Variants in KIAA1671 observed in about 807,000 individuals in gnomAD.
The protein encoded by KIAA1671 is uncharacterized protein KIAA1671.
Under a neutral mutation model 131.2 loss-of-function variants are expected in KIAA1671, and 52 were observed. The ratio of observed to expected loss-of-function variants is 0.40; its 90% confidence interval spans 0.32 to 0.50. KIAA1671 has a LOEUF of 0.50. KIAA1671 is among the 20% of genes least tolerant of loss of function. The pLI, the probability that KIAA1671 is intolerant of heterozygous loss-of-function variation, is 0.73. For missense variants in KIAA1671, 2,360 were observed against 2,364.2 expected, an observed-to-expected ratio of 1.00 and a Z score of 0.04; for synonymous variants, 1,003 against 961.6, an observed-to-expected ratio of 1.04 and a Z score of -0.80.
At chr22:24,995,556 C>T (rs899730507) in intron 1 of KIAA1671, among the ~76,000 whole-genome samples, 3 of 151,754 alleles carry the variant, frequency 2.0e-5, no homozygotes, top group African/African-American at 7.3e-5. Context: ...GACTGGGTTT[C>T]GCCACGTTGC....
intron 6 of KIAA1671, among the ~76,000 whole-genome samples, chr22:25,084,558 G>T (rs1177859062): frequency 6.6e-6 from 1 of 151,154 alleles, no homozygotes; most frequent in Non-Finnish European, 1.5e-5. Flanking sequence ...GCAGGGACCT[G>T]TTGAAGAAAT....
chr22:24,959,866 G>A (rs892025685), intron 1 of KIAA1671, among the ~76,000 whole-genome samples: 1 of 151,804 alleles, frequency 6.6e-6, no homozygotes, highest in African/African-American at 2.4e-5. Context: ...GGCCGGGCGC[G>A]GTGGCTCACG....
intron 6 of KIAA1671, among the ~76,000 whole-genome samples, chr22:25,120,318 G>C (rs781599327): frequency 6.6e-6 from 1 of 152,188 alleles, no homozygotes; most frequent in African/African-American, 2.4e-5. Flanking sequence ...CTACAGTGTC[G>C]CCAGGCAGGC....
intron 4 of KIAA1671, among the ~76,000 whole-genome samples, chr22:25,033,755 T>C (rs1926432143): frequency 6.6e-6 from 1 of 151,622 alleles, no homozygotes; most frequent in African/African-American, 2.4e-5. Flanking sequence ...ATTTCTTTTG[T>C]ATTTTTAGTA....
At chr22:24,979,109 C>A (rs1602040586) in intron 1 of KIAA1671, among the ~76,000 whole-genome samples, 1 of 151,496 alleles carries the variant, frequency 6.6e-6, no homozygotes, top group Admixed American at 6.6e-5. Flanking sequence ...GATTCTCCTG[C>A]CCCAGCCTCC....
At chr22:24,982,819 C>T (rs1036297293) in intron 1 of KIAA1671, among the ~76,000 whole-genome samples, 4 of 152,128 alleles carry the variant, frequency 2.6e-5, no homozygotes, top group South Asian at 2.1e-4. Context: ...CTTCTCCTGC[C>T]GGACCCAAGT....
chr22:25,171,426 T>C (rs1439994610), intron 7 of KIAA1671, among the ~76,000 whole-genome samples: 1 of 151,260 alleles, frequency 6.6e-6, no homozygotes, highest in Non-Finnish European at 1.5e-5. Context: ...AAAAAAAGAT[T>C]ATGGGTCAGC....
chr22:25,010,847 A>C (rs1484876888), intron 1 of KIAA1671: 1 of 152,212 alleles, frequency 6.6e-6, no homozygotes, highest in Non-Finnish European at 1.5e-5. Flanking sequence ...GCTTAACTAT[A>C]TATCAAGTTA....
rs1931620987 is a variant in KIAA1671 at position 25,115,755 on chromosome 22, A to C, written c.4531-55065A>C. On this transcript the variant is annotated intron_variant, in intron 6 of 12. Transcript: ENST00000358431. The stretch of plus-strand genomic sequence containing the variant: ...TGCATGTCTTCATTAATTCACTCAT[A>C]TTTTCATTCAACCAGTATTTATTTT... Among the ~76,000 whole-genome samples, 7 of 151,918 alleles carry C rather than the reference A, an allele frequency of 4.6e-5. No homozygotes were observed. The South Asian group carries it at 1.5e-3, about 32-fold the overall frequency.
chr22:25,017,527 A>C (rs1032505951), intron 1 of KIAA1671, among the ~76,000 whole-genome samples: 11 of 152,278 alleles, frequency 7.2e-5, no homozygotes, highest in African/African-American at 2.4e-4. Flanking sequence ...CTAGTGTCTG[A>C]GCCTTGCTTC....
intron 1 of KIAA1671, among the ~76,000 whole-genome samples, chr22:25,019,670 C>G (rs2123888897): frequency 7.1e-6 from 1 of 140,158 alleles, no homozygotes; most frequent in East Asian, 2.0e-4. Flanking sequence ...TTGCTATTGT[C>G]ATGACCTTGA....
rs1926049947 is a variant in KIAA1671, at chr22:25,028,085, C to T, written c.86C>T (p.Thr29Met). Residue 29 changes from threonine to methionine, a missense_variant, in exon 3 of 13, where the codon ACG (threonine) becomes ATG (methionine). Physicochemically the swap from Thr to Met is moderately conservative, Grantham distance 81 (BLOSUM62 -1). Coordinates refer to ENST00000358431, the MANE Select transcript of KIAA1671 (RefSeq NM_001145206.2). Reference protein sequence around the residue: ...LGEMGKEETLTRTYFLQAGEA... With the variant: ...LGEMGKEETLMRTYFLQAGEA... Reference sequence around the variant, plus strand: ...GAGATGGGCAAGGAGGAGACCCTGACGAGGACCTACTTCCTCCAGGCCGGC... The same window carrying T: ...GAGATGGGCAAGGAGGAGACCCTGATGAGGACCTACTTCCTCCAGGCCGGC... The T allele has an allele frequency of 3.9e-6, 6 of 1,550,942 alleles. No homozygotes were observed. The highest frequency in any genetic ancestry group is 1.2e-5 in the South Asian group (1 of 83,956).
intron 6 of KIAA1671, among the ~76,000 whole-genome samples, chr22:25,151,432 T>C (rs944338629): frequency 7.6e-6 from 1 of 131,424 alleles, no homozygotes; most frequent in Non-Finnish European, 1.6e-5. Context: ...ATGAACTCTT[T>C]TTTTTTTTTT....
chr22:25,126,532 T>C (rs1932193019), intron 6 of KIAA1671, among the ~76,000 whole-genome samples: 1 of 152,232 alleles, frequency 6.6e-6, no homozygotes, highest in Non-Finnish European at 1.5e-5. Flanking sequence ...AAATGAGCCC[T>C]AGGTGCCCAT....
intron 6 of KIAA1671, among the ~76,000 whole-genome samples, chr22:25,144,735 C>G (rs1335041924): frequency 6.6e-6 from 1 of 152,134 alleles, no homozygotes; most frequent in Non-Finnish European, 1.5e-5. Flanking sequence ...AAGGGACTTG[C>G]CCAGGGCCCC....
At chr22:25,121,196 C>T (rs1931925505) in intron 6 of KIAA1671, among the ~76,000 whole-genome samples, 1 of 152,152 alleles carries the variant, frequency 6.6e-6, no homozygotes, top group Admixed American at 6.5e-5. Flanking sequence ...GGCGCGGTGG[C>T]TCACGCCTGT....
At chr22:25,184,464 C>T (rs1164940968) in intron 10 of KIAA1671, among the ~76,000 whole-genome samples, 1 of 152,196 alleles carries the variant, frequency 6.6e-6, no homozygotes, top group Non-Finnish European at 1.5e-5. Context: ...TGCCACCACT[C>T]ACACCTCAGG....
rs542785973 is a variant in KIAA1671, at chr22:24,963,658, A to C, written c.-208+10886A>C. ...TGCCTTTAGAAGTTTTGCAGGAGAT[A>C]GGCCGGGTGCGGTGGCTCACACCTG... On this transcript the variant is annotated intron_variant, in intron 1 of 12. Coordinates refer to ENST00000358431, the MANE Select transcript of KIAA1671 (RefSeq NM_001145206.2). 1.1e-4 allele frequency among the ~76,000 whole-genome samples: 16 copies of C among 152,142 alleles called. No individual in the cohort carries two copies. In the South Asian group the frequency reaches 3.3e-3, roughly 32 times the overall value.
chr22:24,990,201 CT>C (rs1294016043), intron 1 of KIAA1671, among the ~76,000 whole-genome samples: 1 of 152,018 alleles, frequency 6.6e-6, no homozygotes, highest in Non-Finnish European at 1.5e-5. Context: ...AGTGATTCTC[CT>C]GCCTCAGCCT....
Sources: gnomAD v4.1 joint callset for allele counts (sites outside exome capture counted in the v4.1 genomes callset) on GRCh38, gnomAD v4.1.1 for gene constraint, MANE v1.5 for transcripts, NCBI Gene and HGNC (gene_info 2026-07-23, HGNC 2026-07-21) for gene names.